The following ATP7A variants were observed in gnomAD, a reference collection of about 807,000 sequenced individuals.
ATP7A encodes the protein copper-transporting ATPase 1.
In ATP7A, 7 loss-of-function variants were observed where a neutral mutation model predicts 83.5. The ratio of observed to expected loss-of-function variants is 0.08; its 90% CI spans 0.05 to 0.16. ATP7A has a LOEUF of 0.16. Ranked by LOEUF, ATP7A falls within the 10% of genes least tolerant of loss-of-function variation. The probability of loss-of-function intolerance (pLI) is 1.00; values close to 1 mark genes in which losing one functional copy is unlikely to be tolerated. For missense variants in ATP7A, 940 were observed against 1,120.8 expected (o/e 0.84, Z 2.30); for synonymous variants, 354 against 395.2 (o/e 0.90, Z 1.24).
chrX:77,947,970 A>G (rs1192318603), intron 1 of ATP7A, among the ~76,000 whole-genome samples: 1 of 101,644 alleles, frequency 9.8e-6, no homozygotes, highest in Non-Finnish European at 2.0e-5. Flanking sequence ...GGAACTCCTG[A>G]CCTCAGGTGA....
At chrX:78,009,344 T>C (rs1557234127) in intron 7 of ATP7A, 81 bp downstream of exon 7, 1 of 1,051,760 alleles carries the variant, frequency 9.5e-7, no homozygotes, top group Admixed American at 2.2e-5. Context: ...TTGCATCAGA[T>C]AGAGGCAATG....
Position 78,042,633 on chromosome X carries a change from G to A in ATP7A, c.3850G>A (p.Ala1284Thr). Residue 1284 changes from alanine to threonine, a missense_variant, in exon 20 of 23, where the codon GCT becomes ACT. Coordinates refer to ENST00000341514, the MANE Select transcript of ATP7A (RefSeq NM_000052.7). ...FAEVLPSHKV[A>T]KVKQLQEEGK... ...TGAAGTTCTACCTTCTCACAAGGTT[G>A]CTAAAGTGAAGCAACTTCAAGAGGA... 2.5e-6 allele frequency: 3 copies of A among 1,212,059 alleles called. No individual in the cohort carries two copies. The highest frequency in any genetic ancestry group is 2.2e-6 in the Non-Finnish European group (2 of 895,608).
chrX:77,972,688 A>G (rs1201090103), intron 2 of ATP7A, among the ~76,000 whole-genome samples: 6 of 110,407 alleles, frequency 5.4e-5, no homozygotes, highest in Admixed American at 3.9e-4. Flanking sequence ...TTTTGTAGCG[A>G]TGGGGGTCTC....
intron 1 of ATP7A, among the ~76,000 whole-genome samples, chrX:77,950,204 G>C: frequency 8.9e-6 from 1 of 112,358 alleles, no homozygotes; most frequent in South Asian, 3.7e-4. Context: ...GACTAGCCAA[G>C]TCTAGAATCA....
chrX:77,932,582 G>A (rs1446951751), intron 1 of ATP7A, among the ~76,000 whole-genome samples: 2 of 110,784 alleles, frequency 1.8e-5, no homozygotes, highest in Admixed American at 1.9e-4. Context: ...GTAGCGAGCC[G>A]CGATCACGCC....
chrX:77,926,334 A>ATATT (rs1179357329), intron 1 of ATP7A, among the ~76,000 whole-genome samples: 2 of 111,634 alleles, frequency 1.8e-5, no homozygotes, highest in Non-Finnish European at 3.8e-5. Context: ...AATCTAGTCA[A>ATATT]TATTTATTTA....
At chrX:78,043,654 C>G (rs1401587856) in intron 21 of ATP7A, among the ~76,000 whole-genome samples, 3 of 105,723 alleles carry the variant, frequency 2.8e-5, no homozygotes, top group Non-Finnish European at 3.9e-5. Context: ...TTTTTCCCTC[C>G]AACTTTTTTT....
chrX:77,917,136 G>A (rs1206508498), intron 1 of ATP7A, among the ~76,000 whole-genome samples: 1 of 111,677 alleles, frequency 9.0e-6, no homozygotes, highest in Admixed American at 9.6e-5. Flanking sequence ...AACATTCTAG[G>A]TGAGGGGACC....
intron 2 of ATP7A, among the ~76,000 whole-genome samples, chrX:77,981,477 A>T (rs2077605239): frequency 8.9e-6 from 1 of 111,959 alleles, no homozygotes; most frequent in Non-Finnish European, 1.9e-5. Flanking sequence ...ATAGCGAACA[A>T]TCATACATTT....
chrX:78,022,581 G>A (rs2077914904), intron 14 of ATP7A, among the ~76,000 whole-genome samples: 1 of 109,700 alleles, frequency 9.1e-6, no homozygotes, highest in Non-Finnish European at 1.9e-5. Context: ...GCAGTGGCAC[G>A]ATCTCGGCTC....
chrX:78,012,761 G>C, intron 9 of ATP7A, 118 bp from the exon 10 acceptor site: 1 of 621,675 alleles, frequency 1.6e-6, no homozygotes, highest in South Asian at 2.3e-5. Flanking sequence ...TCTCCCTTTA[G>C]TGTTTATGGA....
At chrX:77,952,789 C>CT (rs782435802) in intron 1 of ATP7A, among the ~76,000 whole-genome samples, 5,838 of 98,692 alleles carry the variant, frequency 0.059, 453 homozygotes, top group African/African-American at 0.19. Flanking sequence ...TTTCTTTTTC[C>CT]TTTTTTTTTT....
intron 2 of ATP7A, among the ~76,000 whole-genome samples, chrX:77,981,926 G>A (rs1339479260): frequency 9.0e-6 from 1 of 111,078 alleles, no homozygotes; most frequent in Non-Finnish European, 1.9e-5. Flanking sequence ...TACTCAAATA[G>A]GATAAATGTT....
intron 1 of ATP7A, among the ~76,000 whole-genome samples, chrX:77,929,975 C>T (rs2077262932): frequency 8.9e-6 from 1 of 112,051 alleles, no homozygotes; most frequent in African/African-American, 3.2e-5. Context: ...AAAAAGGTTA[C>T]ACCTGCAAGG....
intron 2 of ATP7A, among the ~76,000 whole-genome samples, chrX:77,982,572 CAATT>C (rs1184937692): frequency 8.9e-6 from 1 of 112,359 alleles, no homozygotes; most frequent in African/African-American, 3.2e-5. Flanking sequence ...AAAAAACAAA[CAATT>C]AAAATTTGGT....
chrX:77,928,864 A>G (rs1348517459), intron 1 of ATP7A, among the ~76,000 whole-genome samples: 1 of 111,955 alleles, frequency 8.9e-6, no homozygotes, highest in African/African-American at 3.2e-5. Flanking sequence ...TCAATGGGTA[A>G]TTCTTTTCTT....
At chrX:77,921,793 C>T (rs1557223136) in intron 1 of ATP7A, among the ~76,000 whole-genome samples, 1 of 110,859 alleles carries the variant, frequency 9.0e-6, no homozygotes, top group Non-Finnish European at 1.9e-5. Context: ...GTAATCCTAA[C>T]TACTTGGGAG....
chrX:77,969,628 T>C, intron 1 of ATP7A: 3 of 1,211,852 alleles, frequency 2.5e-6, no homozygotes, highest in Non-Finnish European at 3.3e-6. Flanking sequence ...CACCAGTTTG[T>C]AGGCGGCCAT....
intron 18 of ATP7A, among the ~76,000 whole-genome samples, 180 bp downstream of exon 18, chrX:78,039,162 C>G (rs1385089482): frequency 1.8e-5 from 2 of 111,899 alleles, no homozygotes; most frequent in Non-Finnish European, 3.8e-5. Flanking sequence ...ATTTGCCTGC[C>G]TTTGTTACTT....
Sources: allele counts gnomAD v4.1 joint callset (sites outside exome capture counted in the v4.1 genomes callset), GRCh38; gene constraint gnomAD v4.1.1; transcripts MANE v1.5; gene names NCBI Gene and HGNC (gene_info 2026-07-23, HGNC 2026-07-21).